ALOX5AP: variants seen among roughly 807,000 people sequenced by gnomAD.
ALOX5AP encodes the protein arachidonate 5-lipoxygenase-activating protein.
In ALOX5AP, 9 loss-of-function variants were observed where a neutral mutation model predicts 18.5. The observed-to-expected ratio is 0.49, with a 90% CI of 0.29 to 0.85. The LOEUF is 0.85. ALOX5AP is among the 40% of genes least tolerant of loss of function. The probability of loss-of-function intolerance (pLI) is 0.08; values close to 1 mark genes in which losing one functional copy is unlikely to be tolerated. For missense variants in ALOX5AP, 172 were observed against 202.5 expected (o/e 0.85, Z 0.91); for synonymous variants, 81 against 78.6 (o/e 1.03, Z -0.16).
intron 1 of ALOX5AP, among the ~76,000 whole-genome samples, chr13:30,742,861 C>T (rs941121101): frequency 2.1e-4 from 2 of 9,328 alleles, no homozygotes; most frequent in Non-Finnish European, 2.8e-4. Flanking sequence ...CCTTCACCGC[C>T]CCCCCCCCAC....
At position 30,763,931 on chromosome 13, in the gene ALOX5AP, C is replaced by G; in HGVS notation, c.324-13C>G. On this transcript the variant is annotated splice_polypyrimidine_tract_variant and intron_variant, in intron 4 of 4. Coordinates refer to ENST00000380490, the MANE Select transcript of ALOX5AP (RefSeq NM_001629.4). ...GCACTGCATCTACAGTTTTCTTTTT[C>G]CTTCTCTTCCAGCACCCCTGGCTAC... The G allele has an allele frequency of 6.2e-6, 10 of 1,606,334 alleles. No homozygotes were observed. Among genetic ancestry groups the G allele is most frequent in the Non-Finnish European group, 8.5e-6 (10 of 1,177,598 alleles).
rs565507566 is a variant in ALOX5AP, at chr13:30,715,466, G to A, written c.116+1625G>A. ...GGGGCCCTGGGAGTCAAGGTTATCC[G>A]CATGCCCTTTCTTGCTTGCTCCTCA... On this transcript the variant is annotated intron_variant, in intron 1 of 5. Coordinates refer to the ALOX5AP transcript ENST00000617770. Among the ~76,000 whole-genome samples the A allele has an allele frequency of 2.0e-4, 31 of 152,286 alleles. 2 individuals are homozygous for A. The South Asian group carries it at 3.5e-3, about 17-fold the overall frequency.
chr13:30,750,083 A>G (rs1157969563), intron 2 of ALOX5AP, among the ~76,000 whole-genome samples: 4 of 152,198 alleles, frequency 2.6e-5, no homozygotes, highest in Non-Finnish European at 5.9e-5. Context: ...GGGCCCCAAC[A>G]CAGAGTTTTA....
rs907788885 is a variant in ALOX5AP at position 30,749,899 on chromosome 13, G to A, written c.171-2153G>A. 2.6e-5 allele frequency among the ~76,000 whole-genome samples: 4 copies of A among 152,294 alleles called. 1 individual carries two copies. The highest frequency in any genetic ancestry group is 9.6e-5 in the African/African-American group (4 of 41,560). ...GTTCTCTGCAGGGCACAGATGAAGG[G>A]CTGGCCATTCCCAAGTTCTCAGTGG... On this transcript the variant is annotated intron_variant, in intron 2 of 4. Coordinates refer to ENST00000380490, the MANE Select transcript of ALOX5AP (RefSeq NM_001629.4).
intron 2 of ALOX5AP, among the ~76,000 whole-genome samples, chr13:30,748,387 G>A (rs1023461294): frequency 6.6e-6 from 1 of 152,162 alleles, no homozygotes; most frequent in Non-Finnish European, 1.5e-5. Context: ...GAGTTTCTAT[G>A]TTTTATTCCC....
intron 1 of ALOX5AP, among the ~76,000 whole-genome samples, chr13:30,716,900 G>A (rs1328164899): frequency 6.6e-5 from 10 of 152,234 alleles, no homozygotes; most frequent in African/African-American, 2.2e-4. Flanking sequence ...TGCCTGACAT[G>A]GAGCCCCTAC....
intron 4 of ALOX5AP, among the ~76,000 whole-genome samples, chr13:30,761,834 T>C (rs574446065): frequency 2.0e-4 from 30 of 152,374 alleles, no homozygotes; most frequent in Non-Finnish European, 4.0e-4. Context: ...GATCCACCCA[T>C]ATGAGTTCAT....
intron 1 of ALOX5AP, among the ~76,000 whole-genome samples, chr13:30,724,565 G>A (rs1260788651): frequency 1.3e-5 from 2 of 152,158 alleles, no homozygotes; most frequent in African/African-American, 4.8e-5. Context: ...GGAGCCTTTG[G>A]AGTGCCTTTA....
chr13:30,763,828 G>A (rs549263433), intron 4 of ALOX5AP, 116 bp from the exon 5 acceptor site: 89 of 919,134 alleles, frequency 9.7e-5, no homozygotes, highest in Non-Finnish European at 1.4e-4. Flanking sequence ...GAGCATTGTT[G>A]AGTCCAGGGA....
At chr13:30,742,322 A>G (rs996555904) in intron 1 of ALOX5AP, 1 of 152,286 alleles carries the variant, frequency 6.6e-6, no homozygotes. Flanking sequence ...TATCTAAAAA[A>G]AAAAAACAAA....
At chr13:30,732,263 C>G (rs1412731267), upstream of ALOX5AP, among the ~76,000 whole-genome samples, 1 of 148,492 alleles carries the variant, frequency 6.7e-6, no homozygotes, top group African/African-American at 2.6e-5. Flanking sequence ...AGGTGTGGGG[C>G]CCCAGAAGGT....
At position 30,738,973 on chromosome 13, in the gene ALOX5AP, G is replaced by A. The variant is rs1350974887; in HGVS notation, c.70+3298G>A. ...ACTCACAAGAAACCTCACAAGCACCGTATTGGAAGACTTTGCCATCCAACC... is the reference window on the plus strand; with the variant it reads ...ACTCACAAGAAACCTCACAAGCACCATATTGGAAGACTTTGCCATCCAACC... On this transcript the variant is annotated intron_variant, in intron 1 of 4. Transcript: ENST00000380490. Among the ~76,000 whole-genome samples, 4 of 152,104 alleles carry A rather than the reference G, an allele frequency of 2.6e-5. No homozygotes were observed. In the East Asian group the frequency reaches 7.7e-4, roughly 29 times the overall value.
intron 3 of ALOX5AP, among the ~76,000 whole-genome samples, chr13:30,752,524 A>G (rs1419325771): frequency 1.3e-5 from 2 of 152,206 alleles, no homozygotes; most frequent in Non-Finnish European, 2.9e-5. Context: ...TCCTTCAGGC[A>G]TGTTTCCACT....
rs186979253 is a variant in ALOX5AP, at chr13:30,753,199, G to C, written c.241+1077G>C. Reference sequence around the variant, plus strand: ...GGGAAGAGAACCAAGTTCAGTGATAGAGAGCAGAGGTGAGGCGGCAGCAGA... The same window carrying C: ...GGGAAGAGAACCAAGTTCAGTGATACAGAGCAGAGGTGAGGCGGCAGCAGA... On this transcript the variant is annotated intron_variant, in intron 3 of 4. Transcript: ENST00000380490. 1.6e-4 allele frequency among the ~76,000 whole-genome samples: 25 copies of C among 152,318 alleles called. 1 individual carries two copies. Among genetic ancestry groups the C allele is most frequent in the Admixed American group, 1.5e-3 (23 of 15,308 alleles).
rs1945453637 is a variant in ALOX5AP, at chr13:30,755,929, C to T, written c.242-15C>T. ...GCTACGAAACTGACACAGGTGTTTT[C>T]ATTTCTCCACTTAGTTCCTGCTGCG... On this transcript the variant is annotated splice_polypyrimidine_tract_variant and intron_variant, in intron 3 of 4. Coordinates refer to ENST00000380490, the MANE Select transcript of ALOX5AP (RefSeq NM_001629.4). The T allele has an allele frequency of 7.4e-6, 12 of 1,613,646 alleles. No individual in the cohort carries two copies. Among genetic ancestry groups the T allele is most frequent in the Non-Finnish European group, 1.0e-5 (12 of 1,179,594 alleles).
intron 1 of ALOX5AP, among the ~76,000 whole-genome samples, chr13:30,743,507 C>T (rs1320205914): frequency 1.3e-5 from 2 of 151,968 alleles, no homozygotes; most frequent in South Asian, 4.1e-4. Context: ...AATCCCATTC[C>T]CTCCCCAGTG....
intron 1 of ALOX5AP, among the ~76,000 whole-genome samples, chr13:30,720,903 A>G (rs1300730037): frequency 6.6e-6 from 1 of 152,140 alleles, no homozygotes; most frequent in African/African-American, 2.4e-5. Context: ...GGAGGGGACA[A>G]CCACTTTTCT....
At chr13:30,742,100 G>A (rs1206204646) in intron 1 of ALOX5AP, among the ~76,000 whole-genome samples, 1 of 151,992 alleles carries the variant, frequency 6.6e-6, no homozygotes, top group Non-Finnish European at 1.5e-5. Context: ...GGTGGATCAC[G>A]AGGTCAGGAG....
At chr13:30,722,305 A>C (rs1388003494) in intron 1 of ALOX5AP, among the ~76,000 whole-genome samples, 1 of 152,242 alleles carries the variant, frequency 6.6e-6, no homozygotes, top group Non-Finnish European at 1.5e-5. Flanking sequence ...GGAAGAAAGA[A>C]GGCACCTATG....
Sources: gnomAD v4.1 joint callset for allele counts (sites outside exome capture counted in the v4.1 genomes callset) on GRCh38, gnomAD v4.1.1 for gene constraint, MANE v1.5 for transcripts, NCBI Gene and HGNC (gene_info 2026-07-23, HGNC 2026-07-21) for gene names.